Variants in SP3 observed in about 807,000 individuals in gnomAD.
The protein encoded by SP3 is Sp3 transcription factor.
A neutral mutation model predicts 70.3 loss-of-function variants in SP3; 10 were observed. The observed-to-expected ratio is 0.14, with a 90% CI of 0.09 to 0.24. The LOEUF (loss-of-function observed/expected upper bound fraction) is 0.24. Ranked by LOEUF, SP3 falls within the 10% of genes least tolerant of loss-of-function variation. SP3 has a pLI of 1.00. For synonymous variants in SP3, 402 were observed against 333.5 expected (o/e 1.21, Z -2.24); for missense variants, 825 against 914.6 (o/e 0.90, Z 1.26).
intron 4 of SP3, among the ~76,000 whole-genome samples, chr2:173,952,482 T>C (rs1353354496): frequency 6.6e-6 from 1 of 152,126 alleles, no homozygotes; most frequent in Admixed American, 6.5e-5. Flanking sequence ...ACATTGCTGA[T>C]GAGAATGTAA....
At chr2:173,922,749 G>A (rs1291013734) in intron 4 of SP3, among the ~76,000 whole-genome samples, 1 of 152,118 alleles carries the variant, frequency 6.6e-6, no homozygotes, top group Non-Finnish European at 1.5e-5. Context: ...ATGATCCTTG[G>A]ATATAACATT....
chr2:173,946,682 G>A (rs1018212463), intron 4 of SP3, among the ~76,000 whole-genome samples: 2 of 149,794 alleles, frequency 1.3e-5, no homozygotes, highest in South Asian at 2.1e-4. Context: ...GTTACTCCAC[G>A]ATCTTCTGAC....
At chr2:173,928,335 T>C (rs1377475913) in intron 4 of SP3, among the ~76,000 whole-genome samples, 5 of 152,080 alleles carry the variant, frequency 3.3e-5, no homozygotes, top group Admixed American at 3.3e-4. Context: ...GCAGCCCCAT[T>C]AATATTAGTT....
intron 6 of SP3, among the ~76,000 whole-genome samples, chr2:173,911,094 T>C (rs548130139): frequency 1.2e-4 from 18 of 152,352 alleles, no homozygotes; most frequent in Admixed American, 1.2e-3. Context: ...CTAGCACCTC[T>C]ACTCTACATA....
At chr2:173,932,263 C>A (rs921157690) in intron 4 of SP3, among the ~76,000 whole-genome samples, 2 of 152,198 alleles carry the variant, frequency 1.3e-5, no homozygotes, top group East Asian at 3.8e-4. Context: ...GTGATCTCAG[C>A]TCACTGCAAC....
At chr2:173,961,827 C>G (rs1691089582) in intron 3 of SP3, among the ~76,000 whole-genome samples, 1 of 151,522 alleles carries the variant, frequency 6.6e-6, no homozygotes, top group African/African-American at 2.4e-5. Flanking sequence ...AAATTTTTAG[C>G]AAATTTTCTA....
chr2:173,922,449 G>A lies in SP3; in HGVS notation c.1640-3664C>T, dbSNP rs146305727. Among the ~76,000 whole-genome samples, 568 of 151,996 alleles carry A rather than the reference G, an allele frequency of 3.7e-3. 5 individuals carry two copies. The highest frequency in any genetic ancestry group is 0.013 in the African/African-American group (538 of 41,432). ...AATGCCTATTGAATATCCAGATGAA[G>A]GTGTTCATCAGACAGTCAATGGGTT... On this transcript the variant is annotated intron_variant, in intron 4 of 6. Coordinates refer to ENST00000310015, the MANE Select transcript of SP3 (RefSeq NM_003111.5).
rs1689328175 is a variant in SP3 at position 173,906,547 on chromosome 2, A to T, written c.*3394T>A. The T allele has an allele frequency of 6.6e-6, 1 of 152,254 alleles. No homozygotes were observed. The highest frequency in any genetic ancestry group is 2.4e-5 in the African/African-American group (1 of 41,474). The allele number at this position is 152,254 out of a possible 1,614,324, so 9.4% of individuals were successfully genotyped here. ...CTTCATATAATTAAAACTGAAAACCAAATTGTGTAACAGGTAGCATAACAT... is the reference window on the plus strand; with the variant it reads ...CTTCATATAATTAAAACTGAAAACCTAATTGTGTAACAGGTAGCATAACAT... On this transcript the variant is annotated 3_prime_UTR_variant, in exon 7 of 7. Coordinates refer to ENST00000310015, the MANE Select transcript of SP3 (RefSeq NM_003111.5).
intron 4 of SP3, among the ~76,000 whole-genome samples, chr2:173,922,474 T>C (rs1183558124): frequency 1.3e-5 from 2 of 151,896 alleles, no homozygotes; most frequent in African/African-American, 4.8e-5. Flanking sequence ...GTCAATGGGT[T>C]TGGAGTTCAG....
chr2:173,946,309 T>C (rs7564222), intron 4 of SP3, among the ~76,000 whole-genome samples: 6,227 of 151,952 alleles, frequency 0.041, 195 homozygotes, highest in Admixed American at 0.1. Context: ...GTTACCAATA[T>C]TACTGATTTT....
At chr2:173,939,104 T>TA (rs1640360197) in intron 4 of SP3, among the ~76,000 whole-genome samples, 1 of 152,220 alleles carries the variant, frequency 6.6e-6, no homozygotes, top group South Asian at 2.1e-4. Flanking sequence ...TCTAACTTGT[T>TA]AGATTATGAG....
intron 4 of SP3, among the ~76,000 whole-genome samples, chr2:173,947,015 A>AC (rs1690563391): frequency 6.6e-6 from 1 of 151,784 alleles, no homozygotes; most frequent in African/African-American, 2.4e-5. Flanking sequence ...GAGCCACCAT[A>AC]CCTAGCTGGG....
rs1045028330 is a variant in SP3, at chr2:173,904,274, G to A, written c.*5667C>T. Reference sequence around the variant, plus strand: ...TCCTCACAGACCAGGGACCAGTACCGGTCTGTGGCCCAGGGGTTGGGGACC... The same window carrying A: ...TCCTCACAGACCAGGGACCAGTACCAGTCTGTGGCCCAGGGGTTGGGGACC... On this transcript the variant is annotated 3_prime_UTR_variant, in exon 7 of 7. Coordinates refer to ENST00000310015, the MANE Select transcript of SP3 (RefSeq NM_003111.5). Among the ~76,000 whole-genome samples the A allele has an allele frequency of 7.9e-5, 12 of 152,012 alleles. No individual in the cohort carries two copies. Among genetic ancestry groups the A allele is most frequent in the Non-Finnish European group, 1.6e-4 (11 of 67,986 alleles).
chr2:173,963,045 T>C (rs1691136504), intron 3 of SP3: 1 of 152,242 alleles, frequency 6.6e-6, no homozygotes, highest in African/African-American at 2.4e-5. Context: ...GTACTACTAG[T>C]ATGCACGTAA....
chr2:173,933,933 A>G (rs1472661380), intron 4 of SP3, among the ~76,000 whole-genome samples: 1 of 151,942 alleles, frequency 6.6e-6, no homozygotes, highest in Non-Finnish European at 1.5e-5. Context: ...ATAAAAGCAA[A>G]TGAAAAGCGG....
rs780634086 is a variant in SP3 at position 173,964,500 on chromosome 2, C to CGCT, written c.58_60dup (p.Ser20dup). 5.5e-5 allele frequency: 38 copies of CGCT among 693,340 alleles called. No individual in the cohort carries two copies. The East Asian group carries it at 8.8e-4, about 16-fold the overall frequency. The allele number at this position is 693,340 out of a possible 1,614,324, so 42.9% of individuals were successfully genotyped here. Reference sequence around the variant, plus strand: ...CCGCCGCCGCCGCCACCGCCGCCGCCGCTATCCACGTCCAAGGCAGCCATT... The same window carrying CGCT: ...CCGCCGCCGCCGCCACCGCCGCCGCCGCTGCTATCCACGTCCAAGGCAGCCATT... On this transcript the variant is annotated inframe_insertion, in exon 2 of 7. Transcript: ENST00000310015.
intron 4 of SP3, among the ~76,000 whole-genome samples, chr2:173,926,734 T>TA (rs1689920396): frequency 6.6e-6 from 1 of 152,246 alleles, no homozygotes; most frequent in African/African-American, 2.4e-5. Context: ...ACATTAATTC[T>TA]ATTAACTAAG....
At chr2:173,917,860 T>C (rs977437296) in intron 5 of SP3, among the ~76,000 whole-genome samples, 1 of 152,154 alleles carries the variant, frequency 6.6e-6, no homozygotes, top group African/African-American at 2.4e-5. Flanking sequence ...TCGTGTGATA[T>C]ATTAACACTG....
intron 1 of SP3, 31 bp downstream of exon 1, chr2:173,965,134 C>T (rs370115724): frequency 3.1e-5 from 48 of 1,546,830 alleles, no homozygotes; most frequent in East Asian, 7.4e-5. Flanking sequence ...GCGGCGGCAG[C>T]AGCAAGGGTT....
Sources: allele counts gnomAD v4.1 joint callset (sites outside exome capture counted in the v4.1 genomes callset), GRCh38; gene constraint gnomAD v4.1.1; transcripts MANE v1.5; gene names NCBI Gene and HGNC (gene_info 2026-07-23, HGNC 2026-07-21).